Variants in SPTLC1 observed in about 807,000 individuals in gnomAD.
SPTLC1 encodes the protein serine palmitoyltransferase 1.
In SPTLC1, 55 loss-of-function variants were observed where a neutral mutation model predicts 68.9. That is an observed-to-expected ratio of 0.80 (90% CI 0.64 to 1.00). The LOEUF is 1.00. Among genes scored for constraint, SPTLC1 ranks in the 50% least tolerant of loss-of-function variants. SPTLC1 has a pLI of 0.00. For missense variants in SPTLC1, 449 were observed against 573.1 expected (o/e 0.78, Z 2.21); for synonymous variants, 197 against 201.6 (o/e 0.98, Z 0.19).
chr9:92,080,546 T>C (rs1183551209), intron 4 of SPTLC1, among the ~76,000 whole-genome samples: 2 of 152,226 alleles, frequency 1.3e-5, no homozygotes, highest in Non-Finnish European at 2.9e-5. Flanking sequence ...TGATTTTTTT[T>C]CTTTTTTTTG....
chr9:92,039,666 T>G (rs1159477770), intron 12 of SPTLC1, among the ~76,000 whole-genome samples: 2 of 152,208 alleles, frequency 1.3e-5, no homozygotes, highest in Non-Finnish European at 2.9e-5. Flanking sequence ...GATTTGTTTT[T>G]CCCTCAGAAT....
At chr9:92,069,432 G>T (rs564893475) in intron 5 of SPTLC1, among the ~76,000 whole-genome samples, 3 of 152,184 alleles carry the variant, frequency 2.0e-5, no homozygotes, top group East Asian at 3.9e-4. Context: ...TTAAATAAAC[G>T]TAGGACTTTA....
intron 7 of SPTLC1, among the ~76,000 whole-genome samples, chr9:92,057,493 C>CTA (rs1833937203): frequency 6.6e-6 from 1 of 152,222 alleles, no homozygotes; most frequent in African/African-American, 2.4e-5. Flanking sequence ...TGTGTTAGCA[C>CTA]TGACTATTAC....
chr9:92,077,455 A>T (rs1834722101), intron 5 of SPTLC1, among the ~76,000 whole-genome samples: 1 of 152,144 alleles, frequency 6.6e-6, no homozygotes, highest in Non-Finnish European at 1.5e-5. Context: ...AGTCGTCTGC[A>T]GAATCCTCCC....
intron 12 of SPTLC1, among the ~76,000 whole-genome samples, chr9:92,038,614 G>A (rs1833233021): frequency 6.6e-6 from 1 of 152,234 alleles, no homozygotes; most frequent in Non-Finnish European, 1.5e-5. Context: ...CATGGCCCCA[G>A]CCTCCCACCA....
intron 3 of SPTLC1, among the ~76,000 whole-genome samples, chr9:92,085,748 T>C (rs1406788944): frequency 5.3e-5 from 8 of 152,310 alleles, no homozygotes; most frequent in African/African-American, 1.9e-4. Context: ...TCTGTAGATG[T>C]CTGTTAGGTC....
At chr9:92,047,805 T>C in intron 9 of SPTLC1, 97 bp from the exon 10 acceptor site, 1 of 757,434 alleles carries the variant, frequency 1.3e-6, no homozygotes, top group East Asian at 2.6e-5. Context: ...TTAAACTGTC[T>C]GTTAATATCT....
intron 14 of SPTLC1, among the ~76,000 whole-genome samples, chr9:92,033,168 G>A (rs1833031016): frequency 6.6e-6 from 1 of 152,164 alleles, no homozygotes; most frequent in South Asian, 2.1e-4. Flanking sequence ...AGTTTCCGTG[G>A]GCTCTGCCTC....
intron 5 of SPTLC1, among the ~76,000 whole-genome samples, chr9:92,076,233 C>A (rs767524309): frequency 6.6e-6 from 1 of 152,176 alleles, no homozygotes; most frequent in Non-Finnish European, 1.5e-5. Flanking sequence ...CCTCTATTAT[C>A]AATGCCCCCT....
chr9:92,034,042 G>A (rs888112971), intron 14 of SPTLC1, among the ~76,000 whole-genome samples: 3 of 152,196 alleles, frequency 2.0e-5, no homozygotes, highest in Non-Finnish European at 2.9e-5. Flanking sequence ...AGATGAACCT[G>A]GAGGTCTCCA....
At chr9:92,068,654 A>G (rs1834375534) in intron 5 of SPTLC1, among the ~76,000 whole-genome samples, 1 of 152,210 alleles carries the variant, frequency 6.6e-6, no homozygotes, top group Non-Finnish European at 1.5e-5. Flanking sequence ...ATTCAAATTT[A>G]TAGTACAAAA....
chr9:92,084,713 G>C (rs1234635141), intron 3 of SPTLC1, among the ~76,000 whole-genome samples: 2 of 151,680 alleles, frequency 1.3e-5, no homozygotes, highest in African/African-American at 4.9e-5. Context: ...TTTTTTGGTT[G>C]TGTCTCTGCC....
intron 5 of SPTLC1, among the ~76,000 whole-genome samples, chr9:92,073,853 C>T (rs1462484597): frequency 6.6e-6 from 1 of 152,204 alleles, no homozygotes; most frequent in African/African-American, 2.4e-5. Context: ...AACTTCAAGG[C>T]GTACAAACCG....
chr9:92,079,699 T>C (rs1587953174), intron 5 of SPTLC1: 2 of 819,734 alleles, frequency 2.4e-6, no homozygotes, highest in East Asian at 2.5e-5. Flanking sequence ...CTCTCATCAG[T>C]GGACTGTGGG....
chr9:92,074,932 C>T (rs771520126), intron 5 of SPTLC1, among the ~76,000 whole-genome samples: 9 of 152,050 alleles, frequency 5.9e-5, no homozygotes, highest in African/African-American at 1.4e-4. Context: ...CTTGGACTGA[C>T]CCTGACACCC....
intron 5 of SPTLC1, among the ~76,000 whole-genome samples, chr9:92,073,529 A>T (rs184755141): frequency 6.6e-6 from 1 of 152,352 alleles, no homozygotes; most frequent in African/African-American, 2.4e-5. Flanking sequence ...CACTGAGAAC[A>T]AAGGTGAAAA....
In SPTLC1 at chr9:92,050,047, G is replaced by GT. The variant is rs1233825802; in HGVS notation, c.800dup (p.Tyr267Ter). The change falls in exon 9 of 15, where the codon TAC (tyrosine) becomes TAAC (stop). Residue 267 changes from tyrosine (Y) to a stop codon, truncating the protein, a stop_gained and frameshift_variant. Transcript: ENST00000262554. LOFTEE classifies it high-confidence loss of function. ...LPELVKLKYK[Y>*]KARIFLEESL... ...TTTCCTCCAGGAAGATTCTTGCTTT[G>GT]TATTTGTATTTTAACTTAACCTAAG... 1.2e-6 allele frequency: 2 copies of GT among 1,612,222 alleles called. No individual in the cohort carries two copies. The highest frequency in any genetic ancestry group is 4.5e-5 in the East Asian group (2 of 44,878).
intron 11 of SPTLC1, among the ~76,000 whole-genome samples, chr9:92,046,883 T>C (rs1587914187): frequency 6.6e-6 from 1 of 152,294 alleles, no homozygotes. Flanking sequence ...CAATGGAACG[T>C]TTAGGCCCAG....
chr9:92,035,827 C>G (rs1833122203), intron 13 of SPTLC1, among the ~76,000 whole-genome samples: 1 of 152,218 alleles, frequency 6.6e-6, no homozygotes, highest in Admixed American at 6.5e-5. Context: ...CAACAGCCTC[C>G]CGCTGACTCT....
Sources: allele counts gnomAD v4.1 joint callset (sites outside exome capture counted in the v4.1 genomes callset), GRCh38; gene constraint gnomAD v4.1.1; transcripts MANE v1.5; gene names NCBI Gene and HGNC (gene_info 2026-07-23, HGNC 2026-07-21).